Variants in ATF6 observed in about 807,000 individuals in gnomAD.
ATF6 encodes activating transcription factor 6.
A neutral mutation model predicts 83.6 loss-of-function variants in ATF6; 53 were observed. The ratio of observed to expected loss-of-function variants is 0.63; its 90% confidence interval spans 0.51 to 0.80. The LOEUF is 0.80. Ranked by LOEUF, ATF6 falls within the 30% of genes least tolerant of loss-of-function variation. The pLI, the probability that ATF6 is intolerant of heterozygous loss-of-function variation, is 0.00. For synonymous variants in ATF6, 288 were observed against 285.8 expected (o/e 1.01, Z -0.08); for missense variants, 744 against 797.9 (o/e 0.93, Z 0.81).
intron 4 of ATF6, among the ~76,000 whole-genome samples, chr1:161,791,104 C>G (rs12045397): frequency 0.039 from 3,884 of 98,648 alleles, 78 homozygotes; most frequent in African/African-American, 0.11. Flanking sequence ...GTGTGTGTGT[C>G]TCTGTGTGTG....
chr1:161,886,376 TA>T (rs1470674310), intron 14 of ATF6, among the ~76,000 whole-genome samples: 1 of 152,200 alleles, frequency 6.6e-6, no homozygotes, highest in African/African-American at 2.4e-5. Context: ...TAAATACATA[TA>T]AAAACTAAAT....
intron 15 of ATF6, among the ~76,000 whole-genome samples, chr1:161,946,830 G>A (rs1558036481): frequency 6.6e-6 from 1 of 152,066 alleles, no homozygotes; most frequent in Non-Finnish European, 1.5e-5. Context: ...AAAACTTCTC[G>A]CCCCTGAACT....
At chr1:161,808,396 C>A (rs1285371055) in intron 7 of ATF6, among the ~76,000 whole-genome samples, 1 of 152,012 alleles carries the variant, frequency 6.6e-6, no homozygotes, top group Non-Finnish European at 1.5e-5. Flanking sequence ...TGTGTGCATT[C>A]TTCTGGAGAC....
In ATF6 at chr1:161,853,240, C is replaced by T. The variant is rs889228888; in HGVS notation, c.1450C>T (p.Arg484Ter). ...TESLRLNHEL[R>*]GWVHRHEVER... ...ATTTTATAGGTTAAATCATGAACTT[C>T]GAGGATGGGTTCATAGACATGAAGT... The change falls in exon 12 of 16, where the codon CGA (arginine) becomes TGA (stop). Residue 484 changes from arginine to a stop codon, truncating the protein, a stop_gained. Coordinates refer to ENST00000367942, the MANE Select transcript of ATF6 (RefSeq NM_007348.4). LOFTEE classifies it high-confidence loss of function. 2.5e-6 allele frequency: 4 copies of T among 1,608,528 alleles called. No individual in the cohort carries two copies. The highest frequency in any genetic ancestry group is 2.2e-5 in the South Asian group (2 of 90,644).
intron 7 of ATF6, among the ~76,000 whole-genome samples, chr1:161,810,286 GA>G (rs1685423967): frequency 6.6e-6 from 1 of 152,210 alleles, no homozygotes; most frequent in Admixed American, 6.5e-5. Flanking sequence ...GACTGTGGGT[GA>G]GGGGGAAGCT....
chr1:161,796,648 A>G (rs1326621709), intron 6 of ATF6, among the ~76,000 whole-genome samples: 1 of 152,226 alleles, frequency 6.6e-6, no homozygotes, highest in Non-Finnish European at 1.5e-5. Flanking sequence ...CTAAATTCTT[A>G]GCAGCCTTTT....
At chr1:161,879,337 G>GC (rs1165710235) in intron 14 of ATF6, among the ~76,000 whole-genome samples, 1 of 152,078 alleles carries the variant, frequency 6.6e-6, no homozygotes, top group Non-Finnish European at 1.5e-5. Context: ...GGATTGTGAG[G>GC]CCTTGGTGGG....
At chr1:161,873,458 C>T (rs989566380) in intron 14 of ATF6, among the ~76,000 whole-genome samples, 1 of 151,452 alleles carries the variant, frequency 6.6e-6, no homozygotes, top group Middle Eastern at 3.2e-3. Context: ...GGATCAAGGT[C>T]TGAAACACTC....
At chr1:161,944,432 C>G (rs1558035478) in intron 15 of ATF6, among the ~76,000 whole-genome samples, 1 of 152,264 alleles carries the variant, frequency 6.6e-6, no homozygotes, top group East Asian at 1.9e-4. Context: ...ATCTTGAATC[C>G]ATCTCATGGA....
chr1:161,812,486 G>A lies in ATF6; in HGVS notation c.910-7147G>A, dbSNP rs1302492323. ...CGGCTCACTGCAAGCTCCGCCTCCCGGGTTCACGCCATTCTCCTGCCTCAG... is the reference window on the plus strand; with the variant it reads ...CGGCTCACTGCAAGCTCCGCCTCCCAGGTTCACGCCATTCTCCTGCCTCAG... On this transcript the variant is annotated intron_variant, in intron 7 of 15. Transcript: ENST00000367942. Among the ~76,000 whole-genome samples, 299 of 133,822 alleles carry A rather than the reference G, an allele frequency of 2.2e-3. 3 individuals are homozygous for A. The highest frequency in any genetic ancestry group is 0.013 in the Middle Eastern group (3 of 234). 87.8% of individuals were successfully genotyped at this position (133,822 alleles called of 152,430 possible). A position where few individuals can be genotyped will look rare whatever the true frequency, so the allele number is the denominator to read the frequency against.
intron 10 of ATF6, among the ~76,000 whole-genome samples, chr1:161,851,326 A>G (rs1292898197): frequency 6.6e-6 from 1 of 152,056 alleles, no homozygotes; most frequent in African/African-American, 2.4e-5. Flanking sequence ...AGAATTGTGA[A>G]TGACCCCTAA....
intron 7 of ATF6, among the ~76,000 whole-genome samples, chr1:161,813,458 A>G (rs1685524154): frequency 1.3e-5 from 2 of 152,234 alleles, no homozygotes; most frequent in Non-Finnish European, 2.9e-5. Flanking sequence ...GGACTAATGA[A>G]GTGGCTTTAA....
intron 9 of ATF6, among the ~76,000 whole-genome samples, chr1:161,827,281 C>G (rs1685927921): frequency 6.6e-6 from 1 of 152,178 alleles, no homozygotes; most frequent in South Asian, 2.1e-4. Context: ...GTCCGGGAGT[C>G]TGCCAGAGGA....
At chr1:161,885,915 A>G (rs1226951798) in intron 14 of ATF6, among the ~76,000 whole-genome samples, 2 of 152,238 alleles carry the variant, frequency 1.3e-5, no homozygotes, top group Admixed American at 1.3e-4. Context: ...TAAAACTAGT[A>G]TGTTTGAAGC....
intron 2 of ATF6, among the ~76,000 whole-genome samples, chr1:161,781,117 T>A (rs1171461956): frequency 1.3e-5 from 2 of 152,234 alleles, no homozygotes; most frequent in East Asian, 1.9e-4. Flanking sequence ...GATCTCAGAC[T>A]TACATGAGGA....
At chr1:161,880,970 TG>T (rs1159050606) in intron 14 of ATF6, among the ~76,000 whole-genome samples, 1 of 152,154 alleles carries the variant, frequency 6.6e-6, no homozygotes. Context: ...TATCTCATTG[TG>T]GTTTTAATTT....
intron 2 of ATF6, among the ~76,000 whole-genome samples, chr1:161,779,958 A>G (rs1684596620): frequency 1.3e-5 from 2 of 152,100 alleles, no homozygotes; most frequent in South Asian, 4.2e-4. Context: ...GGCTAGTCTC[A>G]AACTCCTGAG....
At position 161,958,541 on chromosome 1, in the gene ATF6, C is replaced by A. The variant is rs1237950035; in HGVS notation, c.1900C>A (p.Pro634Thr). The A allele has an allele frequency of 6.2e-7, 1 of 1,613,996 alleles. No individual in the cohort carries two copies. Among genetic ancestry groups the A allele is most frequent in the Non-Finnish European group, 8.5e-7 (1 of 1,179,940 alleles). ...RILHIKSSSVPPYLRDQQRNQ... is the reference protein window; with the variant it reads ...RILHIKSSSVTPYLRDQQRNQ... The stretch of plus-strand genomic sequence containing the variant: ...CCTCCATATCAAAAGTTCGTCAGTT[C>A]CTCCTTACCTCCGAGATCAGCAGAG... The change falls in exon 16 of 16, where the codon CCT becomes ACT. Residue 634 changes from proline to threonine, a missense_variant. Physicochemically the swap from Pro to Thr is conservative, Grantham distance 38. Coordinates refer to ENST00000367942, the MANE Select transcript of ATF6 (RefSeq NM_007348.4).
chr1:161,942,073 A>T (rs949507028), intron 15 of ATF6, among the ~76,000 whole-genome samples: 1 of 152,156 alleles, frequency 6.6e-6, no homozygotes, highest in East Asian at 1.9e-4. Flanking sequence ...ATTGTTTCCA[A>T]TACAACAGCT....
Sources: allele counts gnomAD v4.1 joint callset (sites outside exome capture counted in the v4.1 genomes callset), GRCh38; gene constraint gnomAD v4.1.1; transcripts MANE v1.5; gene names NCBI Gene and HGNC (gene_info 2026-07-23, HGNC 2026-07-21).